The following CAMK2A variants were observed in gnomAD, a reference collection of about 807,000 sequenced individuals.
CAMK2A encodes calcium/calmodulin dependent protein kinase II alpha, also known as calcium/calmodulin-dependent protein kinase type II subunit alpha.
CAMK2A carries 7 observed loss-of-function variants against 79.2 expected under a neutral mutation model. That is an observed-to-expected ratio of 0.09 (90% CI 0.05 to 0.17). The LOEUF is 0.17. Among genes scored for constraint, CAMK2A ranks in the 10% least tolerant of loss-of-function variants. The pLI is 1.00. For missense variants in CAMK2A, 214 were observed against 646.4 expected, an observed-to-expected ratio of 0.33 and a Z score of 7.25; for synonymous variants, 242 against 251.7, an observed-to-expected ratio of 0.96 and a Z score of 0.36.
chr5:150,242,151 G>C (rs1180810748), intron 13 of CAMK2A, among the ~76,000 whole-genome samples: 1 of 152,244 alleles, frequency 6.6e-6, no homozygotes, highest in Non-Finnish European at 1.5e-5. Flanking sequence ...GGGTGGCCGG[G>C]AGGGGGACGT....
At chr5:150,282,120 C>G (rs1438678914) in intron 1 of CAMK2A, among the ~76,000 whole-genome samples, 2 of 152,118 alleles carry the variant, frequency 1.3e-5, no homozygotes, top group East Asian at 3.9e-4. Context: ...CACACCTCTC[C>G]CGTCCTCTCG....
At chr5:150,270,604 CG>C (rs1291413262) in intron 2 of CAMK2A, among the ~76,000 whole-genome samples, 1 of 152,060 alleles carries the variant, frequency 6.6e-6, no homozygotes, top group African/African-American at 2.4e-5. Flanking sequence ...TCCCCGCCCC[CG>C]AGGCACCATG....
Position 150,229,755 on chromosome 5 carries a change from T to C in CAMK2A, c.1143-1469A>G, listed in dbSNP as rs1348911983. 2.0e-5 allele frequency among the ~76,000 whole-genome samples: 3 copies of C among 152,352 alleles called. No individual in the cohort carries two copies. The East Asian group carries it at 5.8e-4, about 29-fold the overall frequency. On this transcript the variant is annotated intron_variant, in intron 16 of 18. Coordinates refer to ENST00000671881, the MANE Select transcript of CAMK2A (RefSeq NM_015981.4). Reference sequence around the variant, plus strand: ...TGATACATTCCAAGTCCATTCTTTCTAGAACTGGTTGCAAGACCAGCTTAA... The same window carrying C: ...TGATACATTCCAAGTCCATTCTTTCCAGAACTGGTTGCAAGACCAGCTTAA...
chr5:150,280,890 G>C (rs1367994403), intron 1 of CAMK2A, among the ~76,000 whole-genome samples: 1 of 152,158 alleles, frequency 6.6e-6, no homozygotes, highest in African/African-American at 2.4e-5. Context: ...TCTACCAGGG[G>C]CCATTAGCTG....
chr5:150,267,337 G>A (rs1308093323), intron 2 of CAMK2A, among the ~76,000 whole-genome samples: 1 of 152,208 alleles, frequency 6.6e-6, no homozygotes, highest in African/African-American at 2.4e-5. Context: ...GTCAGAGTGG[G>A]AAGGAGGCTT....
In CAMK2A at chr5:150,238,796, C is replaced by A. The variant is rs367609826; in HGVS notation, c.1018-48G>T. The A allele has an allele frequency of 3.3e-6, 5 of 1,518,014 alleles. No individual in the cohort carries two copies. In the African/African-American group the frequency reaches 6.9e-5, roughly 21 times the overall value. The allele number at this position is 1,518,014 out of a possible 1,614,324, so 94.0% of individuals were successfully genotyped here. On this transcript the variant is annotated intron_variant, in intron 14 of 18. Coordinates refer to ENST00000671881, the MANE Select transcript of CAMK2A (RefSeq NM_015981.4). ...TGGTGAGGCCTGCCTGGGAGCGGGA[C>A]GAGGCATGGCCAGGCCCTGGCTGCC...
Position 150,222,486 on chromosome 5 carries a change from G to T in CAMK2A, c.*224C>A. The T allele has an allele frequency of 9.9e-6, 7 of 704,716 alleles. No homozygotes were observed. In the South Asian group the frequency reaches 1.0e-4, roughly 10 times the overall value. 43.7% of individuals were successfully genotyped at this position (704,716 alleles called of 1,614,324 possible). On this transcript the variant is annotated 3_prime_UTR_variant, in exon 19 of 19. Transcript: ENST00000671881. The stretch of plus-strand genomic sequence containing the variant: ...CCTGAGGAAGCCCCAGCCTGGCAGG[G>T]GAGAGGGTGGGGGTGAGAGGTGGGG...
rs140146156 is a variant in CAMK2A, at chr5:150,258,549, C to T, written c.218-932G>A. On this transcript the variant is annotated intron_variant, in intron 3 of 18. Coordinates refer to ENST00000671881, the MANE Select transcript of CAMK2A (RefSeq NM_015981.4). Reference sequence around the variant, plus strand: ...AAAAAGCAAAGTGCAAAACAGTATGCGTAGTACTTTTTTAAAGGATGTATT... The same window carrying T: ...AAAAAGCAAAGTGCAAAACAGTATGTGTAGTACTTTTTTAAAGGATGTATT... 6.0e-4 allele frequency among the ~76,000 whole-genome samples: 91 copies of T among 152,278 alleles called. 7 individuals carry two copies. Among genetic ancestry groups the T allele is most frequent in the East Asian group, 3.9e-4 (2 of 5,192 alleles).
At chr5:150,268,388 G>A (rs1756603471) in intron 2 of CAMK2A, among the ~76,000 whole-genome samples, 1 of 152,102 alleles carries the variant, frequency 6.6e-6, no homozygotes. Flanking sequence ...CTTCTGCCTG[G>A]AAAGCTCTTC....
At position 150,230,693 on chromosome 5, in the gene CAMK2A, C is replaced by T. The variant is rs533236243; in HGVS notation, c.1142+612G>A. Among the ~76,000 whole-genome samples the T allele has an allele frequency of 1.4e-4, 21 of 152,368 alleles. No homozygotes were observed. The South Asian group carries it at 1.7e-3, about 12-fold the overall frequency. On this transcript the variant is annotated intron_variant, in intron 16 of 18. Transcript: ENST00000671881. The stretch of plus-strand genomic sequence containing the variant: ...AACAGCACAGGGTGCTCTGGCTCAG[C>T]CCATGCACACACAGCTGCCCCTCCA...
intron 3 of CAMK2A, among the ~76,000 whole-genome samples, chr5:150,257,884 G>A (rs947326363): frequency 1.3e-5 from 2 of 152,180 alleles, no homozygotes; most frequent in Non-Finnish European, 2.9e-5. Context: ...TCCCCTCTCC[G>A]AAACCCTGTT....
chr5:150,288,598 G>T (rs1041773679), intron 1 of CAMK2A, among the ~76,000 whole-genome samples: 1 of 152,020 alleles, frequency 6.6e-6, no homozygotes, highest in Non-Finnish European at 1.5e-5. Context: ...TGCCTCCAGG[G>T]CCCCTCCCCC....
intron 2 of CAMK2A, among the ~76,000 whole-genome samples, chr5:150,266,661 G>A (rs1191429502): frequency 6.6e-6 from 1 of 152,090 alleles, no homozygotes; most frequent in Non-Finnish European, 1.5e-5. Flanking sequence ...TTTTTACCCA[G>A]ACAGTTAGAC....
At chr5:150,286,731 A>C (rs1463276725) in intron 1 of CAMK2A, among the ~76,000 whole-genome samples, 2 of 152,208 alleles carry the variant, frequency 1.3e-5, no homozygotes, top group African/African-American at 4.8e-5. Flanking sequence ...TTCCTCCCAC[A>C]GAAGAGGCCA....
intron 15 of CAMK2A, among the ~76,000 whole-genome samples, chr5:150,236,582 G>T (rs1281308813): frequency 2.0e-5 from 3 of 152,224 alleles, no homozygotes; most frequent in Non-Finnish European, 4.4e-5. Flanking sequence ...CTCCAGTGGA[G>T]AAGACAGAGC....
At position 150,221,912 on chromosome 5, in the gene CAMK2A, A is replaced by C; in HGVS notation, c.*798T>G. ...ACGAAATACACAGAAATTTGGCTAT[A>C]AAAAGGCATGCGGTCCAAGTAGAAG... On this transcript the variant is annotated 3_prime_UTR_variant, in exon 19 of 19. Transcript: ENST00000671881. The C allele has an allele frequency of 3.6e-6, 1 of 275,630 alleles. No homozygotes were observed. The highest frequency in any genetic ancestry group is 6.7e-6 in the Non-Finnish European group (1 of 149,258). 17.1% of individuals were successfully genotyped at this position (275,630 alleles called of 1,614,324 possible). A position where few individuals can be genotyped will look rare whatever the true frequency, so the allele number is the denominator to read the frequency against.
intron 2 of CAMK2A, among the ~76,000 whole-genome samples, chr5:150,270,482 C>T (rs1756702198): frequency 6.6e-6 from 1 of 152,168 alleles, no homozygotes; most frequent in African/African-American, 2.4e-5. Flanking sequence ...AAGAAAGCCA[C>T]AGCTCCCGGG....
intron 2 of CAMK2A, among the ~76,000 whole-genome samples, chr5:150,272,464 C>T (rs562992002): frequency 6.6e-6 from 1 of 151,600 alleles, no homozygotes; most frequent in Admixed American, 6.6e-5. Context: ...CCCAGCTACT[C>T]AGGAGGCTGA....
rs746266692 is a variant in CAMK2A, at chr5:150,247,724, A to G, written c.943+48T>C. 17 of 1,530,130 alleles carry G rather than the reference A, an allele frequency of 1.1e-5. No homozygotes were observed. In the East Asian group the frequency reaches 1.4e-4, roughly 12 times the overall value. 94.8% of individuals were successfully genotyped at this position (1,530,130 alleles called of 1,614,324 possible). ...AATATCTGACAGGACGGTGCCCCCA[A>G]CGAACTGGTGCAGGGCTTACTGGGG... On this transcript the variant is annotated intron_variant, in intron 12 of 18. Coordinates refer to ENST00000671881, the MANE Select transcript of CAMK2A (RefSeq NM_015981.4).
Sources: allele counts gnomAD v4.1 joint callset (sites outside exome capture counted in the v4.1 genomes callset), GRCh38; gene constraint gnomAD v4.1.1; transcripts MANE v1.5; gene names NCBI Gene and HGNC (gene_info 2026-07-23, HGNC 2026-07-21).